The following EFCC1 variants were observed in gnomAD, a reference collection of about 807,000 sequenced individuals.
EFCC1 encodes the protein EF-hand and coiled-coil domain containing 1, also known as EF-hand and coiled-coil domain-containing protein 1.
Under a neutral mutation model 52.1 loss-of-function variants are expected in EFCC1, and 50 were observed. The observed-to-expected ratio is 0.96, with a 90% CI of 0.76 to 1.21. The LOEUF is 1.21. Among genes scored for constraint, EFCC1 ranks in the 50% most tolerant of loss-of-function variants. EFCC1 has a pLI of 0.00. For missense variants in EFCC1, 837 were observed against 867.3 expected (o/e 0.97, Z 0.44); for synonymous variants, 399 against 396.5 (o/e 1.01, Z -0.08).
intron 2 of EFCC1, among the ~76,000 whole-genome samples, chr3:129,005,015 T>A (rs1945007300): frequency 1.3e-5 from 2 of 152,198 alleles, no homozygotes; most frequent in South Asian, 2.1e-4. Context: ...ACATGGTAGA[T>A]GCTTGGTAGA....
intron 2 of EFCC1, among the ~76,000 whole-genome samples, chr3:129,022,438 C>A (rs1400786136): frequency 1.3e-5 from 2 of 152,186 alleles, no homozygotes; most frequent in Non-Finnish European, 2.9e-5. Flanking sequence ...GATCTGGAGC[C>A]AGGAGCCAGG....
chr3:129,032,705 A>C (rs1946295352), intron 3 of EFCC1, 114 bp from the exon 4 acceptor site: 1 of 1,419,386 alleles, frequency 7.0e-7, no homozygotes, highest in Admixed American at 2.5e-5. Context: ...CTGTCTCAAG[A>C]GGGGACATGG....
chr3:129,029,098 C>G (rs113987133), intron 2 of EFCC1, among the ~76,000 whole-genome samples: 1 of 152,156 alleles, frequency 6.6e-6, no homozygotes, highest in Non-Finnish European at 1.5e-5. Flanking sequence ...CGAGTTCTCC[C>G]GTGTCCCCCT....
Position 129,014,851 on chromosome 3 carries a change from T to C in EFCC1, c.980+10774T>C, listed in dbSNP as rs1945501701. Among the ~76,000 whole-genome samples the C allele has an allele frequency of 6.6e-6, 1 of 152,024 alleles. No individual in the cohort carries two copies. Among genetic ancestry groups the C allele is most frequent in the Non-Finnish European group, 1.5e-5 (1 of 68,000 alleles). ...GCCAGCCTGGATGCCGAGGGGCCAG[T>C]GAGGAGGGGCCAGTGAGGAGGAGCA... is the stretch of plus-strand genomic sequence containing the variant. On this transcript the variant is annotated intron_variant, in intron 2 of 7. Transcript: ENST00000683648. The surrounding 1 kb of genome is among the most constrained non-coding windows in gnomAD (Gnocchi z 4.3).
chr3:129,021,056 G>C (rs1179959561), intron 2 of EFCC1, among the ~76,000 whole-genome samples: 1 of 152,166 alleles, frequency 6.6e-6, no homozygotes, highest in African/African-American at 2.4e-5. Flanking sequence ...GTGGGGAGGA[G>C]GGTTTGCCTC....
chr3:129,003,641 A>G (rs1327369114), intron 1 of EFCC1, among the ~76,000 whole-genome samples, 153 bp from the exon 2 acceptor site: 1 of 152,146 alleles, frequency 6.6e-6, no homozygotes, highest in African/African-American at 2.4e-5. Flanking sequence ...GACGCACCGG[A>G]CCTAAGGGCC....
At chr3:129,008,917 G>T (rs900306314) in intron 2 of EFCC1, among the ~76,000 whole-genome samples, 9 of 150,788 alleles carry the variant, frequency 6.0e-5, no homozygotes, top group Non-Finnish European at 1.3e-4. Context: ...TGTCTGAGAT[G>T]AGAAACTCAG....
intron 2 of EFCC1, among the ~76,000 whole-genome samples, chr3:129,017,734 AGGGATAATCCCGTCT>A (rs1438320161): frequency 7.1e-6 from 1 of 139,968 alleles, no homozygotes; most frequent in Non-Finnish European, 1.5e-5. Flanking sequence ...GTGATTAGAC[AGGGATAATCCCGTCT>A]TCTGGTCAGC....
chr3:129,004,833 G>A (rs1469080368), intron 2 of EFCC1, among the ~76,000 whole-genome samples: 2 of 152,108 alleles, frequency 1.3e-5, no homozygotes, highest in Non-Finnish European at 2.9e-5. Flanking sequence ...CTCCACCAGG[G>A]CAGGAAGCTG....
In EFCC1 at chr3:129,010,438, G is replaced by A. The variant is rs1211496171; in HGVS notation, c.980+6361G>A. Reference sequence around the variant, plus strand: ...AGCCAGCTCAGCTCAGCCGGAACAGGGAGGAGAGGCCTGGCGGCCTGGCCT... The same window carrying A: ...AGCCAGCTCAGCTCAGCCGGAACAGAGAGGAGAGGCCTGGCGGCCTGGCCT... On this transcript the variant is annotated intron_variant, in intron 2 of 7. Transcript: ENST00000683648. The surrounding 1 kb of genome is among the most constrained non-coding windows in gnomAD (Gnocchi z 4.3). Among the ~76,000 whole-genome samples the A allele has an allele frequency of 6.6e-6, 1 of 152,188 alleles. No homozygotes were observed. Among genetic ancestry groups the A allele is most frequent in the Non-Finnish European group, 1.5e-5 (1 of 68,028 alleles).
chr3:129,034,698 G>A (rs753656775), intron 5 of EFCC1, among the ~76,000 whole-genome samples: 3 of 152,156 alleles, frequency 2.0e-5, no homozygotes, highest in Admixed American at 1.3e-4. Context: ...CCATATGATG[G>A]GGGAAGGGAA....
At chr3:129,024,363 C>A (rs1416439110) in intron 2 of EFCC1, among the ~76,000 whole-genome samples, 1 of 151,928 alleles carries the variant, frequency 6.6e-6, no homozygotes, top group Non-Finnish European at 1.5e-5. Flanking sequence ...AAAACCCTTT[C>A]TCTACTAAAA....
intron 3 of EFCC1, among the ~76,000 whole-genome samples, chr3:129,032,226 C>T (rs1257524867): frequency 1.3e-5 from 2 of 152,134 alleles, no homozygotes; most frequent in Admixed American, 6.5e-5. Context: ...GTGCCTGTAC[C>T]GTGAGGAGCC....
At chr3:129,038,732 G>T in intron 6 of EFCC1, 99 bp from the exon 7 acceptor site, 1 of 1,187,530 alleles carries the variant, frequency 8.4e-7, no homozygotes, top group Non-Finnish European at 1.3e-6. Context: ...TCTGTCCCCA[G>T]GGAGCTGCCT....
intron 2 of EFCC1, among the ~76,000 whole-genome samples, chr3:129,029,773 CAG>C (rs1284640774): frequency 6.6e-6 from 1 of 150,944 alleles, no homozygotes; most frequent in African/African-American, 2.4e-5. Context: ...TTAGTGGAGA[CAG>C]GGTTTCACCA....
intron 1 of EFCC1, chr3:129,003,341 C>T (rs1944889426): frequency 2.1e-6 from 2 of 949,566 alleles, no homozygotes; most frequent in Non-Finnish European, 2.5e-6. Flanking sequence ...TCTGGGAACA[C>T]ACCAGTAAAG....
intron 2 of EFCC1, among the ~76,000 whole-genome samples, chr3:129,019,791 T>C (rs895415601): frequency 1.4e-5 from 2 of 138,148 alleles, no homozygotes; most frequent in African/African-American, 5.3e-5. Flanking sequence ...TTTTTGAGAC[T>C]GAGTTTCGCT....
intron 1 of EFCC1, among the ~76,000 whole-genome samples, chr3:129,003,087 A>G (rs528689288): frequency 6.6e-6 from 1 of 152,340 alleles, no homozygotes; most frequent in East Asian, 1.9e-4. Context: ...ACAACAGGCC[A>G]GGAAGAAACT....
chr3:129,012,509 A>G (rs1242986933), intron 2 of EFCC1, among the ~76,000 whole-genome samples: 1 of 152,104 alleles, frequency 6.6e-6, no homozygotes, highest in Non-Finnish European at 1.5e-5. Flanking sequence ...GACTTTCCAA[A>G]TTCTGTGACC....
Sources: gnomAD v4.1 joint callset for allele counts (sites outside exome capture counted in the v4.1 genomes callset) on GRCh38, gnomAD v4.1.1 for gene constraint, Gnocchi (gnomAD v3.1) non-coding constraint, MANE v1.5 for transcripts, NCBI Gene and HGNC (gene_info 2026-07-23, HGNC 2026-07-21) for gene names.